Variants in ADAM18 observed in about 807,000 individuals in gnomAD.
ADAM18 encodes the protein disintegrin and metalloproteinase domain-containing protein 18.
In ADAM18, 117 loss-of-function variants were observed where a neutral mutation model predicts 94.4. The observed-to-expected ratio is 1.24, with a 90% CI of 1.07 to 1.45. The LOEUF (loss-of-function observed/expected upper bound fraction) is 1.45, where lower values mean the gene tolerates loss of function less well. ADAM18 is among the 40% of genes most tolerant of loss of function. ADAM18 has a pLI of 0.00. For synonymous variants in ADAM18, 327 were observed against 291.6 expected (o/e 1.12, Z -1.24); for missense variants, 936 against 880.0 (o/e 1.06, Z -0.81).
intron 14 of ADAM18, among the ~76,000 whole-genome samples, chr8:39,674,094 A>G (rs769257825): frequency 1.4e-4 from 21 of 152,158 alleles, no homozygotes; most frequent in Non-Finnish European, 2.6e-4. Flanking sequence ...AAGAATATAT[A>G]TTCTGTTGAT....
intron 12 of ADAM18, among the ~76,000 whole-genome samples, chr8:39,659,098 G>C (rs1820765364): frequency 6.6e-6 from 1 of 151,998 alleles, no homozygotes; most frequent in Admixed American, 6.5e-5. Flanking sequence ...AATGCCTTCA[G>C]GGAAATTTGA....
chr8:39,584,603 T>C lies in ADAM18; in HGVS notation c.-20T>C, dbSNP rs1191808597. On this transcript the variant is annotated 5_prime_UTR_variant, in exon 1 of 20. Transcript: ENST00000265707. ...AACGGTCTCTGTCCTTGGCTGTGGCTCCTGCGCTCTGGCTGAGCCATGTTC... is the reference window on the plus strand; with the variant it reads ...AACGGTCTCTGTCCTTGGCTGTGGCCCCTGCGCTCTGGCTGAGCCATGTTC... 1 of 1,611,928 alleles carries C rather than the reference T, an allele frequency of 6.2e-7. No homozygotes were observed.
rs753383322 is a variant in ADAM18, at chr8:39,637,681, C to G, written c.805C>G (p.His269Asp). 6.2e-7 allele frequency: 1 copy of G among 1,606,726 alleles called. No individual in the cohort carries two copies. The highest frequency in any genetic ancestry group is 1.7e-5 in the Admixed American group (1 of 58,724). ...ACGGGACTATCTCATCCTACGGCCCCATGACATAGCATACTTACTTGTGTA... is the reference window on the plus strand; with the variant it reads ...ACGGGACTATCTCATCCTACGGCCCGATGACATAGCATACTTACTTGTGTA... ...WKRDYLILRP[H>D]DIAYLLVYRK... is the part of the protein sequence containing the mutation. The change falls in exon 9 of 20, where the codon CAT becomes GAT. Residue 269 changes from histidine (H) to aspartate (D), a missense_variant. Transcript: ENST00000265707.
intron 17 of ADAM18, among the ~76,000 whole-genome samples, chr8:39,703,431 G>A (rs983494564): frequency 3.9e-5 from 6 of 151,986 alleles, no homozygotes; most frequent in African/African-American, 9.7e-5. Flanking sequence ...TCCACAAAGC[G>A]GAATAATTTA....
At chr8:39,626,741 G>A (rs971326160) in intron 6 of ADAM18, among the ~76,000 whole-genome samples, 1 of 151,878 alleles carries the variant, frequency 6.6e-6, no homozygotes, top group Non-Finnish European at 1.5e-5. Flanking sequence ...TTGATTTTTA[G>A]TTTTACTCCA....
chr8:39,711,176 C>G (rs985602823), intron 18 of ADAM18, among the ~76,000 whole-genome samples: 5 of 152,150 alleles, frequency 3.3e-5, no homozygotes, highest in African/African-American at 9.7e-5. Context: ...ACTTCAGTGA[C>G]TACAAAGCCA....
intron 17 of ADAM18, among the ~76,000 whole-genome samples, chr8:39,695,979 C>A (rs186240095): frequency 1.3e-4 from 19 of 151,390 alleles, no homozygotes; most frequent in Non-Finnish European, 2.5e-4. Context: ...CAATTTTTTT[C>A]AGAATCACCA....
intron 12 of ADAM18, among the ~76,000 whole-genome samples, chr8:39,663,202 A>T (rs180922133): frequency 1.8e-4 from 28 of 152,174 alleles, no homozygotes; most frequent in Admixed American, 4.6e-4. Context: ...TAATTATGAA[A>T]TATTTTAGCT....
At chr8:39,657,205 C>T (rs1050428268) in intron 12 of ADAM18, among the ~76,000 whole-genome samples, 7 of 152,060 alleles carry the variant, frequency 4.6e-5, no homozygotes, top group African/African-American at 1.7e-4. Context: ...TAACCAAGGC[C>T]AAGAAAATTA....
intron 15 of ADAM18, 60 bp from the exon 16 acceptor site, chr8:39,679,977 T>G: frequency 6.5e-7 from 1 of 1,542,504 alleles, no homozygotes; most frequent in East Asian, 2.3e-5. Flanking sequence ...CAGTACTCAC[T>G]TGGAACTTGT....
At chr8:39,664,108 A>C (rs1339534164) in intron 13 of ADAM18, among the ~76,000 whole-genome samples, 2 of 152,254 alleles carry the variant, frequency 1.3e-5, no homozygotes, top group Non-Finnish European at 2.9e-5. Context: ...TGGGCTCCAC[A>C]TACTGAACCA....
intron 13 of ADAM18, 36 bp downstream of exon 13, chr8:39,663,926 T>C: frequency 1.4e-6 from 2 of 1,396,476 alleles, no homozygotes; most frequent in Non-Finnish European, 2.0e-6. Flanking sequence ...CAAATTGAAC[T>C]GTGGTAAGAG....
intron 19 of ADAM18, among the ~76,000 whole-genome samples, chr8:39,725,502 C>T (rs1323096491): frequency 1.3e-5 from 2 of 152,080 alleles, no homozygotes; most frequent in Admixed American, 6.6e-5. Flanking sequence ...ATTCTCTGCT[C>T]CCGCATCTCT....
intron 17 of ADAM18, among the ~76,000 whole-genome samples, chr8:39,704,837 T>C (rs1019120620): frequency 7.9e-5 from 12 of 152,136 alleles, no homozygotes; most frequent in Admixed American, 5.9e-4. Flanking sequence ...TAATTCTGTG[T>C]TTTAATTATG....
At chr8:39,727,962 T>C (rs1822965313) in intron 19 of ADAM18, among the ~76,000 whole-genome samples, 1 of 152,186 alleles carries the variant, frequency 6.6e-6, no homozygotes, top group African/African-American at 2.4e-5. Context: ...ACAGGAAGCA[T>C]GGTGCTGGCT....
intron 14 of ADAM18, among the ~76,000 whole-genome samples, chr8:39,676,535 T>C (rs1193138537): frequency 6.6e-6 from 1 of 152,228 alleles, no homozygotes; most frequent in East Asian, 1.9e-4. Flanking sequence ...GCCCCATTTT[T>C]CCAGGTAGTC....
chr8:39,621,515 TATA>T (rs1006804766), intron 6 of ADAM18, among the ~76,000 whole-genome samples: 28 of 151,950 alleles, frequency 1.8e-4, no homozygotes, highest in South Asian at 4.1e-4. Flanking sequence ...AATCTATTAA[TATA>T]ATAATAATTT....
intron 6 of ADAM18, among the ~76,000 whole-genome samples, chr8:39,622,114 A>G (rs1282427813): frequency 2.6e-5 from 4 of 152,072 alleles, no homozygotes; most frequent in East Asian, 1.9e-4. Context: ...AAAAGTGTAT[A>G]TATACATATA....
intron 7 of ADAM18, among the ~76,000 whole-genome samples, 197 bp from the exon 8 acceptor site, chr8:39,637,051 ATATATATATATATATG>A (rs1820097366): frequency 9.8e-6 from 1 of 102,060 alleles, no homozygotes; most frequent in African/African-American, 3.3e-5. Context: ...ATATATATAT[ATATATATATATATATG>A]TATATACATA....
Sources: gnomAD v4.1 joint callset for allele counts (sites outside exome capture counted in the v4.1 genomes callset) on GRCh38, gnomAD v4.1.1 for gene constraint, MANE v1.5 for transcripts, NCBI Gene and HGNC (gene_info 2026-07-23, HGNC 2026-07-21) for gene names.